The following CACNB2 variants were observed in gnomAD, a reference collection of about 807,000 sequenced individuals.
CACNB2 encodes the protein voltage-dependent L-type calcium channel subunit beta-2.
CACNB2 carries 42 observed loss-of-function variants against 73.3 expected under a neutral mutation model. The observed-to-expected ratio is 0.57, with a 90% CI of 0.45 to 0.74. The LOEUF is 0.74. CACNB2 is among the 30% of genes least tolerant of loss of function. The pLI is 0.00. For missense variants in CACNB2, 940 were observed against 853.0 expected (o/e 1.10, Z -1.27); for synonymous variants, 348 against 310.3 (o/e 1.12, Z -1.28).
At chr10:18,285,582 T>C (rs1277737) in intron 2 of CACNB2, among the ~76,000 whole-genome samples, 146,459 of 152,326 alleles carry the variant, frequency 0.96, 70,456 homozygotes, top group African/African-American at 0.99. Flanking sequence ...GAAAACTGCC[T>C]AACTGAGCTC....
intron 2 of CACNB2, among the ~76,000 whole-genome samples, chr10:18,320,295 G>A (rs1004503025): frequency 2.6e-5 from 4 of 152,170 alleles, no homozygotes; most frequent in Non-Finnish European, 4.4e-5. Context: ...TTCAGTGAGG[G>A]CAAAGTCTTC....
intron 2 of CACNB2, among the ~76,000 whole-genome samples, chr10:18,389,134 C>T (rs2043356404): frequency 6.6e-6 from 1 of 152,086 alleles, no homozygotes; most frequent in South Asian, 2.1e-4. Context: ...CTTATCTCTT[C>T]TGTTACTGTT....
At position 18,531,142 on chromosome 10, in the gene CACNB2, C is replaced by T. The variant is rs777186580; in HGVS notation, c.1055-2934C>T. 6.6e-5 allele frequency among the ~76,000 whole-genome samples: 10 copies of T among 152,310 alleles called. No individual in the cohort carries two copies. The Middle Eastern group carries it at 0.014, about 207-fold the overall frequency. On this transcript the variant is annotated intron_variant, in intron 10 of 13. Coordinates refer to ENST00000324631, the MANE Select transcript of CACNB2 (RefSeq NM_201596.3). ...CAGGTCTTATTAATTCCTAACTGAC[C>T]ACTTAGGTGTCCCTCAACACTAGCC...
chr10:18,486,940 A>G lies in CACNB2; in HGVS notation c.334-11415A>G, dbSNP rs148015052. On this transcript the variant is annotated intron_variant, in intron 3 of 13. Coordinates refer to ENST00000324631, the MANE Select transcript of CACNB2 (RefSeq NM_201596.3). ...TAAGAGCGGAGGTTTAATAGGTGAA[A>G]GAAAAAGAGAATAGCTCTCTCTCTC... 9.7e-4 allele frequency among the ~76,000 whole-genome samples: 147 copies of G among 152,320 alleles called. 1 individual carries two copies. The highest frequency in any genetic ancestry group is 3.5e-3 in the African/African-American group (145 of 41,578).
At chr10:18,526,752 T>C (rs2052506726) in intron 9 of CACNB2, among the ~76,000 whole-genome samples, 1 of 152,210 alleles carries the variant, frequency 6.6e-6, no homozygotes, top group Non-Finnish European at 1.5e-5. Flanking sequence ...TCATCTTTAA[T>C]TATTTTCCTT....
chr10:18,354,966 G>T (rs1259297113), intron 2 of CACNB2, among the ~76,000 whole-genome samples: 10 of 151,972 alleles, frequency 6.6e-5, no homozygotes, highest in African/African-American at 2.2e-4. Context: ...GCTTCCTGAT[G>T]GTTCAACGTA....
intron 13 of CACNB2, 143 bp downstream of exon 13, chr10:18,538,508 T>C: frequency 1.4e-6 from 1 of 701,536 alleles, no homozygotes; most frequent in Non-Finnish European, 2.5e-6. Context: ...CAGCATGAGC[T>C]GTGTATGTAC....
At chr10:18,203,571 T>C (rs2034973239) in intron 2 of CACNB2, among the ~76,000 whole-genome samples, 1 of 152,128 alleles carries the variant, frequency 6.6e-6, no homozygotes, top group African/African-American at 2.4e-5. Flanking sequence ...GGGGGAAACA[T>C]GAATAAATAA....
chr10:18,309,188 A>G (rs779348155), intron 2 of CACNB2, among the ~76,000 whole-genome samples: 5 of 152,160 alleles, frequency 3.3e-5, no homozygotes, highest in African/African-American at 9.7e-5. Flanking sequence ...CTTATTTTTT[A>G]TATGTTTAAA....
intron 2 of CACNB2, among the ~76,000 whole-genome samples, chr10:18,161,899 A>G (rs1175652067): frequency 6.6e-6 from 1 of 152,158 alleles, no homozygotes; most frequent in Admixed American, 6.5e-5. Flanking sequence ...ACTGCACTCC[A>G]GCCTGGGTGA....
At chr10:18,497,726 T>G (rs2049922715) in intron 3 of CACNB2, among the ~76,000 whole-genome samples, 1 of 152,142 alleles carries the variant, frequency 6.6e-6, no homozygotes, top group Non-Finnish European at 1.5e-5. Context: ...CTCCTGGCCC[T>G]TTATCTGTAA....
intron 2 of CACNB2, among the ~76,000 whole-genome samples, chr10:18,309,121 GAT>G (rs2039859588): frequency 6.6e-6 from 1 of 152,120 alleles, no homozygotes; most frequent in South Asian, 2.1e-4. Context: ...GCTGTCATTT[GAT>G]ATGTTTCTGA....
At chr10:18,278,141 G>C (rs2038378822) in intron 2 of CACNB2, among the ~76,000 whole-genome samples, 1 of 152,164 alleles carries the variant, frequency 6.6e-6, no homozygotes, top group Admixed American at 6.5e-5. Flanking sequence ...TTATATAACT[G>C]CTATGCATAC....
chr10:18,486,817 G>T (rs2049083632), intron 3 of CACNB2, among the ~76,000 whole-genome samples: 1 of 152,178 alleles, frequency 6.6e-6, no homozygotes, highest in Non-Finnish European at 1.5e-5. Context: ...GGGTCTGTAG[G>T]CCAGATAGTA....
chr10:18,533,985 A>T, intron 10 of CACNB2, 91 bp from the exon 11 acceptor site: 1 of 1,199,720 alleles, frequency 8.3e-7, no homozygotes, highest in Non-Finnish European at 1.2e-6. Flanking sequence ...ATAATGGCTG[A>T]CCTACTCACC....
chr10:18,419,416 TC>T (rs1325277617), intron 3 of CACNB2, among the ~76,000 whole-genome samples: 3 of 152,172 alleles, frequency 2.0e-5, no homozygotes, highest in African/African-American at 7.2e-5. Context: ...TCTCTTCAAC[TC>T]TTTACTTTAA....
chr10:18,300,773 C>T (rs1041302675), intron 2 of CACNB2, among the ~76,000 whole-genome samples: 3 of 152,016 alleles, frequency 2.0e-5, no homozygotes, highest in East Asian at 1.9e-4. Flanking sequence ...TGCTTGAACC[C>T]GGGAGGCAGA....
In CACNB2 at chr10:18,481,547, C is replaced by T. The variant is rs542454527; in HGVS notation, c.334-16808C>T. On this transcript the variant is annotated intron_variant, in intron 3 of 13. Coordinates refer to ENST00000324631, the MANE Select transcript of CACNB2 (RefSeq NM_201596.3). Reference sequence around the variant, plus strand: ...CAGACGTGAGCCACCGTACCCGGCCCATCATTCCTTTAACAGAGTGTCTTG... The same window carrying T: ...CAGACGTGAGCCACCGTACCCGGCCTATCATTCCTTTAACAGAGTGTCTTG... Among the ~76,000 whole-genome samples the T allele has an allele frequency of 3.3e-5, 5 of 151,660 alleles. No individual in the cohort carries two copies. In the South Asian group the frequency reaches 1.0e-3, roughly 32 times the overall value.
chr10:18,412,086 C>G, intron 3 of CACNB2, among the ~76,000 whole-genome samples: 1 of 152,156 alleles, frequency 6.6e-6, no homozygotes, highest in East Asian at 1.9e-4. Context: ...TCGTTCTCTT[C>G]CATATGGTTG....
Sources: allele counts gnomAD v4.1 joint callset (sites outside exome capture counted in the v4.1 genomes callset), GRCh38; gene constraint gnomAD v4.1.1; transcripts MANE v1.5; gene names NCBI Gene and HGNC (gene_info 2026-07-23, HGNC 2026-07-21).